PEBP4: variants seen among roughly 807,000 people sequenced by gnomAD.
The protein encoded by PEBP4 is phosphatidylethanolamine binding protein 4.
In PEBP4, 22 loss-of-function variants were observed where a neutral mutation model predicts 23.9. The observed-to-expected ratio is 0.92, with a 90% CI of 0.66 to 1.31. The LOEUF (loss-of-function observed/expected upper bound fraction) is 1.31, where lower values mean the gene tolerates loss of function less well. Among genes scored for constraint, PEBP4 ranks in the 40% most tolerant of loss-of-function variants. PEBP4 has a pLI of 0.00. For synonymous variants in PEBP4, 112 were observed against 99.3 expected, an observed-to-expected ratio of 1.13 and a Z score of -0.76; for missense variants, 324 against 281.7, an observed-to-expected ratio of 1.15 and a Z score of -1.07.
chr8:22,905,583 T>C (rs560488188), intron 3 of PEBP4, among the ~76,000 whole-genome samples: 1 of 152,348 alleles, frequency 6.6e-6, no homozygotes, highest in South Asian at 2.1e-4. Flanking sequence ...TGTGTGAGTT[T>C]GGTTTTCTGT....
chr8:22,807,228 G>A (rs1806514751), intron 4 of PEBP4, among the ~76,000 whole-genome samples: 1 of 152,204 alleles, frequency 6.6e-6, no homozygotes, highest in East Asian at 1.9e-4. Context: ...TTTGTAAGAG[G>A]GGACAGAGCA....
At chr8:22,750,692 A>C (rs1404259436) in intron 4 of PEBP4, among the ~76,000 whole-genome samples, 1 of 151,954 alleles carries the variant, frequency 6.6e-6, no homozygotes, top group Non-Finnish European at 1.5e-5. Context: ...GTTAGAAAGG[A>C]GGGGGTCAGA....
chr8:22,772,752 C>G (rs1048234579), intron 4 of PEBP4, among the ~76,000 whole-genome samples: 5 of 152,160 alleles, frequency 3.3e-5, no homozygotes, highest in Admixed American at 3.3e-4. Context: ...GTCTCCTCTA[C>G]CTGAAGGTCA....
intron 4 of PEBP4, among the ~76,000 whole-genome samples, chr8:22,801,962 C>T (rs1195468774): frequency 1.3e-5 from 2 of 152,154 alleles, no homozygotes; most frequent in Non-Finnish European, 2.9e-5. Context: ...TGACTTCCAT[C>T]CTCTTTGAAA....
At chr8:22,810,877 T>TGAGAGAGAGAGAGAGAGAGA (rs33995327) in intron 4 of PEBP4, among the ~76,000 whole-genome samples, 5 of 137,242 alleles carry the variant, frequency 3.6e-5, no homozygotes, top group African/African-American at 1.4e-4. Flanking sequence ...CTCAGAGTGC[T>TGAGAGAGAGAGAGAGAGAGA]GAGAGAGAGA....
chr8:22,763,339 A>T (rs765388971), intron 4 of PEBP4, among the ~76,000 whole-genome samples: 9 of 152,158 alleles, frequency 5.9e-5, no homozygotes, highest in Non-Finnish European at 7.4e-5. Context: ...TTTCTTCTTG[A>T]ATCCCACTCC....
intron 4 of PEBP4, among the ~76,000 whole-genome samples, chr8:22,807,199 G>C (rs1480534807): frequency 2.0e-5 from 3 of 152,212 alleles, no homozygotes; most frequent in African/African-American, 7.2e-5. Context: ...TGGCATGTTT[G>C]TGGATTGCAG....
Position 22,910,718 on chromosome 8 carries a change from A to T in PEBP4, c.258+9466T>A, listed in dbSNP as rs762259517. ...CTCTCTATTAATTTGAAAAGACTAC[A>T]TATTGTATGATTCCAACTTTACAAC... On this transcript the variant is annotated intron_variant, in intron 3 of 6. Coordinates refer to ENST00000256404, the MANE Select transcript of PEBP4 (RefSeq NM_144962.3). 2.6e-5 allele frequency among the ~76,000 whole-genome samples: 4 copies of T among 152,240 alleles called. No homozygotes were observed. The East Asian group carries it at 7.7e-4, about 29-fold the overall frequency.
chr8:22,724,437 G>T (rs1366353700), intron 6 of PEBP4, among the ~76,000 whole-genome samples: 1 of 152,210 alleles, frequency 6.6e-6, no homozygotes, highest in Non-Finnish European at 1.5e-5. Flanking sequence ...GGATAGACTG[G>T]CAGGGTGGCA....
At chr8:22,851,272 G>A (rs543548798) in intron 3 of PEBP4, among the ~76,000 whole-genome samples, 8 of 152,134 alleles carry the variant, frequency 5.3e-5, no homozygotes, top group East Asian at 1.9e-4. Context: ...GCCCAAAGCC[G>A]GAACATCTGG....
intron 3 of PEBP4, among the ~76,000 whole-genome samples, chr8:22,831,068 G>T (rs1277119067): frequency 1.3e-5 from 2 of 151,956 alleles, no homozygotes; most frequent in African/African-American, 4.8e-5. Context: ...AGTTTCTAGG[G>T]TTCACTCTGC....
At chr8:22,811,986 G>T (rs1201147349) in intron 4 of PEBP4, among the ~76,000 whole-genome samples, 1 of 152,212 alleles carries the variant, frequency 6.6e-6, no homozygotes, top group Non-Finnish European at 1.5e-5. Flanking sequence ...ACTATTCTGT[G>T]TCAGAAGACT....
intron 3 of PEBP4, among the ~76,000 whole-genome samples, chr8:22,832,958 A>C (rs1187266980): frequency 6.6e-6 from 1 of 151,978 alleles, no homozygotes; most frequent in Non-Finnish European, 1.5e-5. Context: ...ACTGGACAAC[A>C]AGGGGCAGCC....
At chr8:22,720,968 T>C (rs942889606) in intron 6 of PEBP4, among the ~76,000 whole-genome samples, 1 of 152,054 alleles carries the variant, frequency 6.6e-6, no homozygotes, top group Non-Finnish European at 1.5e-5. Flanking sequence ...ATGCCAGGCG[T>C]GGTTTGAAAG....
At chr8:22,929,926 G>A (rs1022970348), upstream of PEBP4, among the ~76,000 whole-genome samples, 26 of 152,140 alleles carry the variant, frequency 1.7e-4, no homozygotes, top group African/African-American at 6.3e-4. Context: ...GGCTGGTCTC[G>A]AACTCCTGGG....
At chr8:22,741,217 G>A (rs775913769) in intron 4 of PEBP4, among the ~76,000 whole-genome samples, 1 of 152,206 alleles carries the variant, frequency 6.6e-6, no homozygotes, top group Non-Finnish European at 1.5e-5. Context: ...CAAGCCAGCT[G>A]CCATCTCTGC....
At chr8:22,733,387 A>C (rs886936519) in intron 4 of PEBP4, among the ~76,000 whole-genome samples, 53 of 152,298 alleles carry the variant, frequency 3.5e-4, no homozygotes, top group African/African-American at 1.2e-3. Context: ...GAGGTCTTTC[A>C]TAGACTTGAG....
At chr8:22,794,600 A>G (rs1161332835) in intron 4 of PEBP4, among the ~76,000 whole-genome samples, 1 of 152,168 alleles carries the variant, frequency 6.6e-6, no homozygotes, top group African/African-American at 2.4e-5. Flanking sequence ...TACAATTATT[A>G]TCTTACTGAT....
intron 4 of PEBP4, among the ~76,000 whole-genome samples, chr8:22,767,460 G>C (rs1054389502): frequency 6.6e-6 from 1 of 152,158 alleles, no homozygotes; most frequent in South Asian, 2.1e-4. Flanking sequence ...GTGATTTCTC[G>C]AGCGGGAAAG....
Sources: gnomAD v4.1 joint callset for allele counts (sites outside exome capture counted in the v4.1 genomes callset) on GRCh38, gnomAD v4.1.1 for gene constraint, MANE v1.5 for transcripts, NCBI Gene and HGNC (gene_info 2026-07-23, HGNC 2026-07-21) for gene names.